Variants in SYNPO2 observed in about 807,000 individuals in gnomAD.
The protein encoded by SYNPO2 is synaptopodin-2.
A neutral mutation model predicts 85.0 loss-of-function variants in SYNPO2; 56 were observed. That is an observed-to-expected ratio of 0.66 (90% confidence interval 0.53 to 0.82). The LOEUF (loss-of-function observed/expected upper bound fraction) is 0.82. Among genes scored for constraint, SYNPO2 ranks in the 40% least tolerant of loss-of-function variants. The probability of loss-of-function intolerance (pLI) is 0.00; values close to 1 mark genes in which losing one functional copy is unlikely to be tolerated. For synonymous variants in SYNPO2, 602 were observed against 591.1 expected, an observed-to-expected ratio of 1.02 and a Z score of -0.27; for missense variants, 1,575 against 1,534.2, an observed-to-expected ratio of 1.03 and a Z score of -0.44.
intron 1 of SYNPO2, among the ~76,000 whole-genome samples, chr4:118,963,590 A>T (rs566235117): frequency 5.3e-5 from 8 of 152,334 alleles, no homozygotes; most frequent in African/African-American, 1.9e-4. Context: ...CTGAGTCTAC[A>T]GGTGTGTGCC....
chr4:118,899,434 G>A (rs1419070346), intron 1 of SYNPO2, among the ~76,000 whole-genome samples: 1 of 152,016 alleles, frequency 6.6e-6, no homozygotes, highest in African/African-American at 2.4e-5. Context: ...GTGATTGACA[G>A]ACTTTTTCAG....
At chr4:119,035,929 G>A in intron 4 of SYNPO2, 2 of 985,334 alleles carry the variant, frequency 2.0e-6, no homozygotes, top group Middle Eastern at 5.2e-4. Context: ...AGGTCATTCG[G>A]CTGCTAAGAG....
chr4:119,013,201 T>G (rs912725987), intron 1 of SYNPO2, among the ~76,000 whole-genome samples: 1 of 152,186 alleles, frequency 6.6e-6, no homozygotes, highest in Non-Finnish European at 1.5e-5. Context: ...GTGACACAAA[T>G]GTACCAGGGG....
Position 119,030,581 on chromosome 4 carries a change from C to A in SYNPO2, c.1806C>A (p.Pro602=), listed in dbSNP as rs377266230. ...GGTCTGTGAATCAGCCAGCTACCCC[C>A]TTCTCGCCAACCCGAAACATGACGA... ...FPGSVNQPAT[P]FSPTRNMTSP... Residue 602 remains proline (P), a synonymous_variant, in exon 4 of 5, where the codon CCC becomes CCA. Transcript: ENST00000307142. The A allele has an allele frequency of 6.2e-7, 1 of 1,614,040 alleles. No homozygotes were observed. The highest frequency in any genetic ancestry group is 8.5e-7 in the Non-Finnish European group (1 of 1,180,038).
intron 4 of SYNPO2, chr4:119,038,254 C>T: frequency 1.0e-6 from 1 of 985,292 alleles, no homozygotes; most frequent in Non-Finnish European, 1.2e-6. Context: ...GCTTTGACCA[C>T]ATTCAATGAC....
intron 4 of SYNPO2, among the ~76,000 whole-genome samples, chr4:119,044,493 C>T (rs1578674180): frequency 6.6e-6 from 1 of 152,120 alleles, no homozygotes; most frequent in Admixed American, 6.5e-5. Context: ...TGATGCCTTT[C>T]CTGATGAAGA....
At chr4:118,895,131 A>G (rs1407999825) in intron 1 of SYNPO2, among the ~76,000 whole-genome samples, 1 of 152,190 alleles carries the variant, frequency 6.6e-6, no homozygotes, top group Admixed American at 6.5e-5. Flanking sequence ...TGTTAGTAAC[A>G]TTTTGGGCAG....
At chr4:119,004,473 G>A (rs62327846) in intron 1 of SYNPO2, among the ~76,000 whole-genome samples, 41,326 of 147,008 alleles carry the variant, frequency 0.28, 5,753 homozygotes, top group Middle Eastern at 0.32. Context: ...GAGAACATGC[G>A]GTGTTTGGTT....
chr4:118,929,116 A>G (rs962537354), intron 1 of SYNPO2, among the ~76,000 whole-genome samples: 1 of 151,542 alleles, frequency 6.6e-6, no homozygotes, highest in African/African-American at 2.4e-5. Context: ...GTATAGAAAG[A>G]GATAAAGGAA....
chr4:119,019,239 G>T (rs1737629407), intron 1 of SYNPO2, among the ~76,000 whole-genome samples: 1 of 152,058 alleles, frequency 6.6e-6, no homozygotes, highest in South Asian at 2.1e-4. Context: ...AAAACAAAAA[G>T]GTGGTAAGCA....
At chr4:118,902,002 C>T (rs1299211791) in intron 1 of SYNPO2, among the ~76,000 whole-genome samples, 1 of 148,932 alleles carries the variant, frequency 6.7e-6, no homozygotes. Flanking sequence ...GTACAGGAGC[C>T]CTGAGACAGA....
chr4:118,897,194 G>A (rs767844429), intron 1 of SYNPO2, among the ~76,000 whole-genome samples: 1 of 152,164 alleles, frequency 6.6e-6, no homozygotes, highest in South Asian at 2.1e-4. Context: ...GAGAGAAAGA[G>A]TGAGTCGGGG....
At chr4:118,909,540 C>T (rs917729084) in intron 1 of SYNPO2, among the ~76,000 whole-genome samples, 1 of 152,220 alleles carries the variant, frequency 6.6e-6, no homozygotes, top group African/African-American at 2.4e-5. Context: ...AGTCCAGGTG[C>T]TAATGTGGGA....
In SYNPO2 at chr4:118,940,907, G is replaced by A. The variant is rs922795828; in HGVS notation, c.105+51766G>A. Among the ~76,000 whole-genome samples the A allele has an allele frequency of 9.2e-5, 14 of 151,990 alleles. No individual in the cohort carries two copies. In the East Asian group the frequency reaches 1.2e-3, roughly 13 times the overall value. ...TGTTGATTCATGTTGGTGCTCCTCC[G>A]GGTTCTGCCCTGGACTCTTCATTCA... On this transcript the variant is annotated intron_variant, in intron 1 of 4. Transcript: ENST00000307142.
intron 1 of SYNPO2, among the ~76,000 whole-genome samples, chr4:118,961,505 G>T (rs577339443): frequency 1.3e-5 from 2 of 152,138 alleles, no homozygotes; most frequent in African/African-American, 4.8e-5. Context: ...TCAGGTGTCC[G>T]TTCAAATAGT....
intron 1 of SYNPO2, among the ~76,000 whole-genome samples, chr4:119,011,336 A>G (rs1187121805): frequency 3.3e-5 from 5 of 152,170 alleles, no homozygotes; most frequent in Admixed American, 6.5e-5. Flanking sequence ...AAGCCTACAC[A>G]GTGATCATTT....
At chr4:119,005,655 A>G (rs1035094344) in intron 1 of SYNPO2, among the ~76,000 whole-genome samples, 1 of 151,278 alleles carries the variant, frequency 6.6e-6, no homozygotes, top group Non-Finnish European at 1.5e-5. Context: ...TTGAAGTCAG[A>G]TAGCGTGATG....
At chr4:118,970,968 G>A (rs1039609666) in intron 1 of SYNPO2, among the ~76,000 whole-genome samples, 1 of 152,178 alleles carries the variant, frequency 6.6e-6, no homozygotes, top group African/African-American at 2.4e-5. Context: ...GACCCCCAAT[G>A]ATACTTTGTC....
At chr4:118,999,404 A>G (rs960770835) in intron 1 of SYNPO2, among the ~76,000 whole-genome samples, 5 of 152,124 alleles carry the variant, frequency 3.3e-5, no homozygotes, top group Non-Finnish European at 7.4e-5. Flanking sequence ...CTCCTGCTTC[A>G]GCCTCCCAAA....
Sources: gnomAD v4.1 joint callset for allele counts (sites outside exome capture counted in the v4.1 genomes callset) on GRCh38, gnomAD v4.1.1 for gene constraint, MANE v1.5 for transcripts, NCBI Gene and HGNC (gene_info 2026-07-23, HGNC 2026-07-21) for gene names.